Variants in CAMKMT observed in about 807,000 individuals in gnomAD.
The protein encoded by CAMKMT is calmodulin-lysine N-methyltransferase.
In CAMKMT, 53 loss-of-function variants were observed where a neutral mutation model predicts 48.0. The ratio of observed to expected loss-of-function variants is 1.10; its 90% CI spans 0.89 to 1.39. The LOEUF is 1.39. Ranked by LOEUF, CAMKMT falls within the 40% of genes most tolerant of loss-of-function variation. CAMKMT has a pLI of 0.00. For missense variants in CAMKMT, 428 were observed against 402.7 expected (o/e 1.06, Z -0.54); for synonymous variants, 165 against 152.3 (o/e 1.08, Z -0.61).
At chr2:44,475,124 ATTTC>A (rs951024624) in intron 3 of CAMKMT, among the ~76,000 whole-genome samples, 6 of 152,084 alleles carry the variant, frequency 3.9e-5, no homozygotes, top group Non-Finnish European at 7.4e-5. Context: ...ATGTTCCATT[ATTTC>A]TTTTGTATCC....
chr2:44,390,372 T>G (rs963080882), intron 3 of CAMKMT, 67 bp downstream of exon 3: 2 of 1,143,488 alleles, frequency 1.7e-6, no homozygotes, highest in African/African-American at 3.1e-5. Context: ...TAGTTGATGT[T>G]TTCTTCTCAC....
At chr2:44,395,045 A>T in intron 3 of CAMKMT, 1 of 443,176 alleles carries the variant, frequency 2.3e-6, no homozygotes, top group Non-Finnish European at 4.5e-6. Flanking sequence ...GAGGAAAAAA[A>T]ATTATATGTT....
At chr2:44,681,958 T>A (rs1296130284) in intron 3 of CAMKMT, among the ~76,000 whole-genome samples, 1 of 152,230 alleles carries the variant, frequency 6.6e-6, no homozygotes, top group Non-Finnish European at 1.5e-5. Flanking sequence ...TTACTACTTG[T>A]GTTAAGCAGC....
At chr2:44,453,814 C>A (rs1667420258) in intron 3 of CAMKMT, among the ~76,000 whole-genome samples, 1 of 151,884 alleles carries the variant, frequency 6.6e-6, no homozygotes, top group African/African-American at 2.4e-5. Flanking sequence ...ATTTTTCTTT[C>A]CTGCCATGGG....
In CAMKMT at chr2:44,541,867, C is replaced by T. The variant is rs542614513; in HGVS notation, c.376+151562C>T. ...CATATCGGCCGGGCACGATGGCTCA[C>T]GCCTATAATCTCAGCATTTGGGAGG... On this transcript the variant is annotated intron_variant, in intron 3 of 10. Transcript: ENST00000378494. Among the ~76,000 whole-genome samples the T allele has an allele frequency of 5.8e-4, 88 of 152,092 alleles. No individual in the cohort carries two copies. The Middle Eastern group carries it at 0.02, about 35-fold the overall frequency.
At chr2:44,765,261 A>G (rs1369893964) in intron 9 of CAMKMT, among the ~76,000 whole-genome samples, 5 of 152,070 alleles carry the variant, frequency 3.3e-5, no homozygotes, top group African/African-American at 1.2e-4. Context: ...TGATGTTTAT[A>G]TGAATGCCTA....
intron 3 of CAMKMT, among the ~76,000 whole-genome samples, chr2:44,635,770 A>C (rs1226115508): frequency 6.6e-6 from 1 of 152,212 alleles, no homozygotes; most frequent in Admixed American, 6.5e-5. Flanking sequence ...AGAGGTTAGC[A>C]ATCTAACCTA....
chr2:44,628,536 C>G (rs1466237498), intron 3 of CAMKMT, among the ~76,000 whole-genome samples: 1 of 151,292 alleles, frequency 6.6e-6, no homozygotes, highest in African/African-American at 2.4e-5. Context: ...TGATTTCAAA[C>G]CTTTTTTTCT....
At chr2:44,601,130 T>C (rs1670962097) in intron 3 of CAMKMT, among the ~76,000 whole-genome samples, 1 of 152,122 alleles carries the variant, frequency 6.6e-6, no homozygotes, top group Non-Finnish European at 1.5e-5. Context: ...TATAGCCAGA[T>C]GTTTTACTTA....
chr2:44,755,636 T>A (rs1680340101), intron 9 of CAMKMT, among the ~76,000 whole-genome samples: 1 of 152,166 alleles, frequency 6.6e-6, no homozygotes, highest in Non-Finnish European at 1.5e-5. Flanking sequence ...ATCATTCGCA[T>A]GATTTACAAT....
intron 3 of CAMKMT, among the ~76,000 whole-genome samples, chr2:44,526,593 G>T (rs1239459980): frequency 6.6e-6 from 1 of 152,122 alleles, no homozygotes; most frequent in Non-Finnish European, 1.5e-5. Context: ...CCTGTTTGAG[G>T]GCAAGAGGAC....
intron 5 of CAMKMT, among the ~76,000 whole-genome samples, chr2:44,707,150 C>T (rs961934636): frequency 4.0e-5 from 6 of 151,806 alleles, no homozygotes; most frequent in East Asian, 1.9e-4. Context: ...TACCATCATC[C>T]GCTGTCACAA....
chr2:44,749,639 A>G (rs1680071389), intron 8 of CAMKMT, among the ~76,000 whole-genome samples: 1 of 152,214 alleles, frequency 6.6e-6, no homozygotes, highest in Non-Finnish European at 1.5e-5. Context: ...ACATAGTCAT[A>G]TAGGTGGGTG....
intron 7 of CAMKMT, among the ~76,000 whole-genome samples, chr2:44,735,277 G>A (rs35861968): frequency 0.064 from 9,739 of 152,132 alleles, 401 homozygotes; most frequent in Non-Finnish European, 0.092. Flanking sequence ...CATGTACTTC[G>A]GTCTAGCTGT....
At chr2:44,559,905 A>G (rs1396678242) in intron 3 of CAMKMT, among the ~76,000 whole-genome samples, 1 of 152,160 alleles carries the variant, frequency 6.6e-6, no homozygotes, top group East Asian at 1.9e-4. Flanking sequence ...TGCCTGCAAA[A>G]TTTCATTTGA....
intron 3 of CAMKMT, among the ~76,000 whole-genome samples, chr2:44,437,532 C>T (rs1233225218): frequency 1.4e-5 from 2 of 142,486 alleles, no homozygotes; most frequent in East Asian, 3.9e-4. Flanking sequence ...AAGCCATAAG[C>T]CGTTAGTAGT....
chr2:44,457,754 A>G (rs968753252), intron 3 of CAMKMT, among the ~76,000 whole-genome samples: 1 of 152,196 alleles, frequency 6.6e-6, no homozygotes, highest in Non-Finnish European at 1.5e-5. Flanking sequence ...AACTAGAAAT[A>G]AGTAAGAAGA....
intron 3 of CAMKMT, chr2:44,395,025 G>C: frequency 2.3e-6 from 1 of 442,898 alleles, no homozygotes. Context: ...TTATCTTCCT[G>C]GTTTTTCTAG....
chr2:44,655,835 C>A (rs1242297566), intron 3 of CAMKMT, among the ~76,000 whole-genome samples: 2 of 152,102 alleles, frequency 1.3e-5, no homozygotes, highest in Non-Finnish European at 2.9e-5. Context: ...TATCTTTTTG[C>A]ATTCAATTTA....
Sources: gnomAD v4.1 joint callset for allele counts (sites outside exome capture counted in the v4.1 genomes callset) on GRCh38, gnomAD v4.1.1 for gene constraint, MANE v1.5 for transcripts, NCBI Gene and HGNC (gene_info 2026-07-23, HGNC 2026-07-21) for gene names.